IQCJ: variants seen among roughly 807,000 people sequenced by gnomAD.
IQCJ encodes the protein IQ domain-containing protein J.
Under a neutral mutation model 11.0 loss-of-function variants are expected in IQCJ, and 9 were observed. The observed-to-expected ratio is 0.82, with a 90% CI of 0.49 to 1.43. The LOEUF (loss-of-function observed/expected upper bound fraction) is 1.43. Among genes scored for constraint, IQCJ ranks in the 40% most tolerant of loss-of-function variants. IQCJ has a pLI of 0.00. For synonymous variants in IQCJ, 55 were observed against 51.3 expected (o/e 1.07, Z -0.31); for missense variants, 146 against 133.2 (o/e 1.10, Z -0.47).
chr3:159,227,824 G>T (rs1331181618), intron 1 of IQCJ, among the ~76,000 whole-genome samples: 4 of 152,210 alleles, frequency 2.6e-5, no homozygotes, highest in African/African-American at 9.7e-5. Flanking sequence ...CATGGATGTT[G>T]CAGAGAATAC....
intron 1 of IQCJ, among the ~76,000 whole-genome samples, chr3:159,191,832 G>T (rs17783910): frequency 0.024 from 3,671 of 152,272 alleles, 85 homozygotes; most frequent in Non-Finnish European, 0.036. Flanking sequence ...TTTGAGAAAC[G>T]GAGGCAGTTG....
In IQCJ at chr3:159,137,866, A is replaced by G. The variant is rs138888621; in HGVS notation, c.9+68425A>G. ...CTTAGATTTGTAAAATAAAATTTTA[A>G]AAGCAAAATAAATAGGAAAGGGATT... On this transcript the variant is annotated intron_variant, in intron 1 of 3. Coordinates refer to ENST00000397832, the MANE Select transcript of IQCJ (RefSeq NM_001042706.3). Among the ~76,000 whole-genome samples the G allele has an allele frequency of 4.3e-3, 661 of 152,332 alleles. 4 individuals are homozygous for G. The highest frequency in any genetic ancestry group is 0.013 in the African/African-American group (542 of 41,572).
chr3:159,181,114 C>A lies in IQCJ; in HGVS notation c.10-64729C>A, dbSNP rs150109074. On this transcript the variant is annotated intron_variant, in intron 1 of 3. Transcript: ENST00000397832. ...TAAGATCTGCATCATCCCCACTTCTCCATGGAACCTGCCTGGGCAATGGAA... is the reference window on the plus strand; with the variant it reads ...TAAGATCTGCATCATCCCCACTTCTACATGGAACCTGCCTGGGCAATGGAA... Among the ~76,000 whole-genome samples, 430 of 151,998 alleles carry A rather than the reference C, an allele frequency of 2.8e-3. 5 individuals are homozygous for A. Among genetic ancestry groups the A allele is most frequent in the African/African-American group, 1.0e-2 (412 of 41,362 alleles).
chr3:159,075,955 G>A (rs368604343), intron 1 of IQCJ, among the ~76,000 whole-genome samples: 239 of 152,134 alleles, frequency 1.6e-3, no homozygotes, highest in African/African-American at 5.6e-3. Context: ...GGCTGGTAGG[G>A]TTTGCCCACC....
intron 1 of IQCJ, among the ~76,000 whole-genome samples, chr3:159,079,240 G>A (rs953168365): frequency 2.0e-5 from 3 of 152,144 alleles, no homozygotes; most frequent in Non-Finnish European, 4.4e-5. Context: ...TTAAAACAGA[G>A]TTCACCACCT....
At chr3:159,101,334 C>T (rs538992678) in intron 1 of IQCJ, among the ~76,000 whole-genome samples, 12 of 152,090 alleles carry the variant, frequency 7.9e-5, no homozygotes, top group East Asian at 7.8e-4. Context: ...TCTTCTGCGT[C>T]GCTCAGGCTG....
At chr3:159,152,075 A>G (rs1243056338) in intron 1 of IQCJ, among the ~76,000 whole-genome samples, 3 of 152,184 alleles carry the variant, frequency 2.0e-5, no homozygotes, top group Non-Finnish European at 4.4e-5. Context: ...CGAATGTTAC[A>G]AAGCACTCTA....
chr3:159,245,307 A>G (rs1281787534), intron 1 of IQCJ, among the ~76,000 whole-genome samples: 1 of 151,570 alleles, frequency 6.6e-6, no homozygotes, highest in African/African-American at 2.4e-5. Context: ...ATCTATGTAA[A>G]CATATCCAAA....
intron 1 of IQCJ, among the ~76,000 whole-genome samples, chr3:159,111,867 C>T (rs959708460): frequency 2.0e-5 from 3 of 151,994 alleles, no homozygotes; most frequent in African/African-American, 4.8e-5. Flanking sequence ...CTTAAAAGAG[C>T]AATAAGCATA....
At chr3:159,189,004 TG>T (rs1723530857) in intron 1 of IQCJ, among the ~76,000 whole-genome samples, 1 of 152,046 alleles carries the variant, frequency 6.6e-6, no homozygotes, top group Non-Finnish European at 1.5e-5. Context: ...GTGATGGGGT[TG>T]GGAGAGGGAA....
At chr3:159,192,457 G>A (rs59185941) in intron 1 of IQCJ, among the ~76,000 whole-genome samples, 15,015 of 152,164 alleles carry the variant, frequency 0.099, 2,487 homozygotes, top group African/African-American at 0.34. Flanking sequence ...GAGAGTGAAG[G>A]AAGCAGAGTT....
intron 1 of IQCJ, among the ~76,000 whole-genome samples, chr3:159,122,677 C>T (rs773805232): frequency 2.2e-4 from 34 of 151,798 alleles, no homozygotes; most frequent in Non-Finnish European, 1.2e-4. Context: ...AAAAATGATA[C>T]GTGAATAAAG....
intron 3 of IQCJ, among the ~76,000 whole-genome samples, chr3:159,255,181 C>T (rs1688319321): frequency 6.6e-6 from 1 of 152,128 alleles, no homozygotes; most frequent in South Asian, 2.1e-4. Context: ...TTGGTGGGGA[C>T]CAACTGAGAG....
chr3:159,150,182 T>C (rs1449001636), intron 1 of IQCJ, among the ~76,000 whole-genome samples: 1 of 152,142 alleles, frequency 6.6e-6, no homozygotes, highest in Non-Finnish European at 1.5e-5. Context: ...AAGTAGTCTC[T>C]TGGAAAGTGA....
chr3:159,125,779 C>T (rs913189397), intron 1 of IQCJ, among the ~76,000 whole-genome samples: 3 of 152,214 alleles, frequency 2.0e-5, no homozygotes, highest in Non-Finnish European at 1.5e-5. Context: ...TCAAATTCAG[C>T]CTAATCAATC....
At chr3:159,138,908 T>G (rs1205726102) in intron 1 of IQCJ, among the ~76,000 whole-genome samples, 1 of 152,220 alleles carries the variant, frequency 6.6e-6, no homozygotes, top group East Asian at 1.9e-4. Context: ...AAGTAGTGAT[T>G]GACTTTTATA....
At chr3:159,092,699 A>AACACACACACACACACAC (rs57083405) in intron 1 of IQCJ, among the ~76,000 whole-genome samples, 5,547 of 141,522 alleles carry the variant, frequency 0.039, 228 homozygotes, top group East Asian at 0.16. Flanking sequence ...CTCCATCACA[A>AACACACACACACACACAC]ACACACACAC....
intron 1 of IQCJ, among the ~76,000 whole-genome samples, chr3:159,084,633 T>A (rs929511393): frequency 1.3e-5 from 2 of 152,106 alleles, no homozygotes; most frequent in African/African-American, 4.8e-5. Context: ...TTAAGCAACT[T>A]GCCAGGGTCA....
At chr3:159,111,890 T>C (rs992427963) in intron 1 of IQCJ, among the ~76,000 whole-genome samples, 1 of 152,238 alleles carries the variant, frequency 6.6e-6, no homozygotes, top group South Asian at 2.1e-4. Context: ...GGTTTAGTTT[T>C]ACATTTATAC....
Sources: allele counts gnomAD v4.1 joint callset (sites outside exome capture counted in the v4.1 genomes callset), GRCh38; gene constraint gnomAD v4.1.1; transcripts MANE v1.5; gene names NCBI Gene and HGNC (gene_info 2026-07-23, HGNC 2026-07-21).